Variants in GRIN2A observed in about 807,000 individuals in gnomAD.
The protein encoded by GRIN2A is glutamate receptor ionotropic, NMDA 2A.
In GRIN2A, 22 loss-of-function variants were observed where a neutral mutation model predicts 113.4. The ratio of observed to expected loss-of-function variants is 0.19; its 90% CI spans 0.14 to 0.28. GRIN2A has a LOEUF of 0.28. Among genes scored for constraint, GRIN2A ranks in the 10% least tolerant of loss-of-function variants. GRIN2A has a pLI of 1.00. For synonymous variants in GRIN2A, 827 were observed against 738.4 expected, an observed-to-expected ratio of 1.12 and a Z score of -1.94; for missense variants, 1,502 against 1,887.0, an observed-to-expected ratio of 0.80 and a Z score of 3.78.
chr16:9,934,452 G>A (rs1057284468), intron 3 of GRIN2A, among the ~76,000 whole-genome samples: 1 of 151,956 alleles, frequency 6.6e-6, no homozygotes, highest in Non-Finnish European at 1.5e-5. Context: ...AGGCCAAGGC[G>A]GGTGGATCAC....
chr16:10,105,046 G>A (rs4354936), intron 2 of GRIN2A, among the ~76,000 whole-genome samples: 28,758 of 152,152 alleles, frequency 0.19, 3,577 homozygotes, highest in East Asian at 0.44. Flanking sequence ...CTTCTTTGCC[G>A]AGATTAAAGC....
intron 2 of GRIN2A, among the ~76,000 whole-genome samples, chr16:9,945,034 C>T (rs1311746737): frequency 6.6e-6 from 1 of 152,030 alleles, no homozygotes; most frequent in East Asian, 1.9e-4. Flanking sequence ...ATAAATAGAA[C>T]AATTGGCCGG....
chr16:9,850,557 G>C (rs1175737200), intron 4 of GRIN2A, among the ~76,000 whole-genome samples: 1 of 152,140 alleles, frequency 6.6e-6, no homozygotes. Context: ...TGAAGGAAAA[G>C]AGAAAAAGGG....
chr16:9,777,632 C>G (rs1004757565), intron 11 of GRIN2A, among the ~76,000 whole-genome samples: 2 of 152,244 alleles, frequency 1.3e-5, no homozygotes, highest in African/African-American at 2.4e-5. Context: ...ACTGAGATTT[C>G]TGCTCCATGG....
At chr16:9,885,198 G>A (rs2043564856) in intron 4 of GRIN2A, among the ~76,000 whole-genome samples, 1 of 152,098 alleles carries the variant, frequency 6.6e-6, no homozygotes, top group South Asian at 2.1e-4. Flanking sequence ...ATGAACTGCT[G>A]GCCACAGAGC....
intron 2 of GRIN2A, among the ~76,000 whole-genome samples, chr16:10,140,858 C>A (rs1050398600): frequency 6.6e-6 from 1 of 152,186 alleles, no homozygotes; most frequent in East Asian, 1.9e-4. Flanking sequence ...TAGTGACTGT[C>A]TTGCCACACT....
chr16:9,815,909 T>G (rs907072007), intron 10 of GRIN2A, among the ~76,000 whole-genome samples: 3 of 152,250 alleles, frequency 2.0e-5, no homozygotes, highest in Admixed American at 6.5e-5. Context: ...ATGTGGTACC[T>G]GAATACGATG....
chr16:9,773,843 G>T (rs903345641), intron 11 of GRIN2A, among the ~76,000 whole-genome samples: 1 of 152,226 alleles, frequency 6.6e-6, no homozygotes, highest in Non-Finnish European at 1.5e-5. Flanking sequence ...TTCAGTAGAA[G>T]GAGCAAGGTG....
chr16:10,041,580 G>T (rs189642195), intron 2 of GRIN2A, among the ~76,000 whole-genome samples: 1 of 152,098 alleles, frequency 6.6e-6, no homozygotes, highest in Non-Finnish European at 1.5e-5. Context: ...ATGGTCTCAC[G>T]GGGTCATTTA....
intron 2 of GRIN2A, among the ~76,000 whole-genome samples, chr16:10,048,351 C>T (rs1177301816): frequency 6.6e-6 from 1 of 152,170 alleles, no homozygotes; most frequent in African/African-American, 2.4e-5. Context: ...CAGCCAGAGT[C>T]AAGTTTCTAG....
chr16:10,016,181 G>A (rs1324038233), intron 2 of GRIN2A, among the ~76,000 whole-genome samples: 1 of 150,604 alleles, frequency 6.6e-6, no homozygotes, highest in African/African-American at 2.4e-5. Flanking sequence ...CCAGGGTAAT[G>A]TAAGAGGCGC....
rs534620256 is a variant in GRIN2A at position 9,967,030 on chromosome 16, C to G, written c.415-28479G>C. On this transcript the variant is annotated intron_variant, in intron 2 of 12. Transcript: ENST00000330684. ...TTAAGTTCTCACGATGAAATTCTCACTATTAGTTCAGCACTATTAAGTGAC... is the reference window on the plus strand; with the variant it reads ...TTAAGTTCTCACGATGAAATTCTCAGTATTAGTTCAGCACTATTAAGTGAC... 3.0e-4 allele frequency among the ~76,000 whole-genome samples: 46 copies of G among 152,302 alleles called. No homozygotes were observed. In the South Asian group the frequency reaches 7.9e-3, roughly 26 times the overall value.
chr16:10,034,649 T>G (rs1490303041), intron 2 of GRIN2A, among the ~76,000 whole-genome samples: 1 of 149,682 alleles, frequency 6.7e-6, no homozygotes, highest in Admixed American at 6.7e-5. Context: ...GGTAAAGGTG[T>G]CACTCATCTT....
At chr16:9,911,591 G>A (rs1290526737) in intron 3 of GRIN2A, among the ~76,000 whole-genome samples, 3 of 152,062 alleles carry the variant, frequency 2.0e-5, no homozygotes, top group Admixed American at 2.0e-4. Flanking sequence ...CCCAATCCCT[G>A]TATCCAGTGG....
At chr16:9,875,235 A>AT (rs764007063) in intron 4 of GRIN2A, among the ~76,000 whole-genome samples, 25 of 151,892 alleles carry the variant, frequency 1.6e-4, no homozygotes, top group African/African-American at 4.6e-4. Flanking sequence ...TCATCATCAT[A>AT]TTTTTTTTAT....
intron 4 of GRIN2A, among the ~76,000 whole-genome samples, chr16:9,865,691 A>G (rs1293615161): frequency 1.3e-5 from 2 of 152,152 alleles, no homozygotes; most frequent in Non-Finnish European, 2.9e-5. Flanking sequence ...TCATTCATTC[A>G]TGGAGTGCCT....
intron 3 of GRIN2A, among the ~76,000 whole-genome samples, chr16:9,932,337 A>T (rs1475631909): frequency 6.6e-6 from 1 of 152,168 alleles, no homozygotes; most frequent in African/African-American, 2.4e-5. Context: ...TGGCATGAAG[A>T]GACACTTACT....
At chr16:10,146,033 G>C (rs2049431889) in intron 2 of GRIN2A, among the ~76,000 whole-genome samples, 1 of 152,178 alleles carries the variant, frequency 6.6e-6, no homozygotes, top group South Asian at 2.1e-4. Flanking sequence ...ACAGCTATAG[G>C]ACACCCTTGG....
At chr16:9,989,359 C>A (rs1223899623) in intron 2 of GRIN2A, among the ~76,000 whole-genome samples, 1 of 152,102 alleles carries the variant, frequency 6.6e-6, no homozygotes, top group African/African-American at 2.4e-5. Flanking sequence ...AAATCTGGAC[C>A]CCTATCTTTT....
Sources: gnomAD v4.1 joint callset for allele counts (sites outside exome capture counted in the v4.1 genomes callset) on GRCh38, gnomAD v4.1.1 for gene constraint, MANE v1.5 for transcripts, NCBI Gene and HGNC (gene_info 2026-07-23, HGNC 2026-07-21) for gene names.